The following NUBPL variants were observed in gnomAD, a reference collection of about 807,000 sequenced individuals.
NUBPL encodes the protein iron-sulfur cluster transfer protein NUBPL.
A neutral mutation model predicts 45.7 loss-of-function variants in NUBPL; 31 were observed. The observed-to-expected ratio is 0.68, with a 90% CI of 0.51 to 0.92. The LOEUF is 0.92. Ranked by LOEUF, NUBPL falls within the 40% of genes least tolerant of loss-of-function variation. NUBPL has a pLI of 0.00. For missense variants in NUBPL, 401 were observed against 398.7 expected (o/e 1.01, Z -0.05); for synonymous variants, 144 against 140.9 (o/e 1.02, Z -0.15).
Position 31,793,835 on chromosome 14 carries a change from T to TTA in NUBPL, c.607+5963_607+5964insAT, listed in dbSNP as rs1555338729. Among the ~76,000 whole-genome samples, 13 of 130,500 alleles carry TTA rather than the reference T, an allele frequency of 1.0e-4. 1 individual carries two copies. Among genetic ancestry groups the TTA allele is most frequent in the African/African-American group, 5.3e-4 (13 of 24,368 alleles). The allele number at this position is 130,500 out of a possible 152,430, so 85.6% of individuals were successfully genotyped here. On this transcript the variant is annotated intron_variant, in intron 7 of 10. Transcript: ENST00000281081. ...TTGTGCCCCCTTATCTTTCTTTTTT[T>TTA]TTTTTATTTTTTTTTTTATTTTTTC...
At chr14:31,762,039 GT>G (rs1262503032) in intron 6 of NUBPL, among the ~76,000 whole-genome samples, 6 of 152,182 alleles carry the variant, frequency 3.9e-5, no homozygotes, top group Non-Finnish European at 8.8e-5. Flanking sequence ...AGAAAGTTTA[GT>G]TAATCATTCT....
Position 31,673,466 on chromosome 14 carries a change from T to G in NUBPL, c.423-18T>G. On this transcript the variant is annotated intron_variant, in intron 5 of 10. Coordinates refer to ENST00000281081, the MANE Select transcript of NUBPL (RefSeq NM_025152.3). Reference sequence around the variant, plus strand: ...TTAATTTATACAAATTAGTTGTATTTTTATGTTACTGTTGCAGTATGTCTA... The same window carrying G: ...TTAATTTATACAAATTAGTTGTATTGTTATGTTACTGTTGCAGTATGTCTA... The G allele has an allele frequency of 6.2e-7, 1 of 1,611,526 alleles. No individual in the cohort carries two copies. The highest frequency in any genetic ancestry group is 8.5e-7 in the Non-Finnish European group (1 of 1,177,740).
At chr14:31,682,615 A>G (rs2036859581) in intron 6 of NUBPL, among the ~76,000 whole-genome samples, 1 of 152,142 alleles carries the variant, frequency 6.6e-6, no homozygotes, top group Non-Finnish European at 1.5e-5. Flanking sequence ...AATAAATGAA[A>G]TATTTCTTGA....
At chr14:31,692,672 G>T (rs1398192595) in intron 6 of NUBPL, among the ~76,000 whole-genome samples, 1 of 152,180 alleles carries the variant, frequency 6.6e-6, no homozygotes, top group Admixed American at 6.5e-5. Flanking sequence ...TCCCTTGATA[G>T]TTGTTATTAG....
chr14:31,679,518 G>T (rs1260409963), intron 6 of NUBPL, among the ~76,000 whole-genome samples: 2 of 152,072 alleles, frequency 1.3e-5, no homozygotes, highest in African/African-American at 2.4e-5. Context: ...TTGTTTGAAA[G>T]ACTTCCCTTT....
intron 4 of NUBPL, among the ~76,000 whole-genome samples, chr14:31,602,854 T>C (rs2034481586): frequency 6.6e-6 from 1 of 152,214 alleles, no homozygotes; most frequent in African/African-American, 2.4e-5. Flanking sequence ...TCAGATTTGT[T>C]TTAAAGTGTT....
chr14:31,829,707 G>A (rs1378144442), intron 8 of NUBPL, among the ~76,000 whole-genome samples: 1 of 152,112 alleles, frequency 6.6e-6, no homozygotes, highest in African/African-American at 2.4e-5. Context: ...AAACGATGAT[G>A]TCATTGGAAT....
chr14:31,594,762 T>A (rs925088163), intron 3 of NUBPL, among the ~76,000 whole-genome samples: 1 of 152,220 alleles, frequency 6.6e-6, no homozygotes, highest in Admixed American at 6.5e-5. Context: ...GAAATTCTTA[T>A]GATTGGCAGC....
intron 6 of NUBPL, among the ~76,000 whole-genome samples, chr14:31,683,415 A>G (rs2153559): frequency 1 from 145,362 of 145,674 alleles, 72,526 homozygotes; most frequent in Middle Eastern, 1. Flanking sequence ...CTGTAGCTCA[A>G]TGGCATAATC....
At chr14:31,633,875 T>C (rs768215775) in intron 4 of NUBPL, among the ~76,000 whole-genome samples, 2 of 152,148 alleles carry the variant, frequency 1.3e-5, no homozygotes, top group Non-Finnish European at 2.9e-5. Context: ...TCTTATATAA[T>C]GCAATTTTCG....
At chr14:31,761,136 G>T (rs954325676) in intron 6 of NUBPL, among the ~76,000 whole-genome samples, 5 of 152,090 alleles carry the variant, frequency 3.3e-5, no homozygotes, top group Non-Finnish European at 5.9e-5. Flanking sequence ...ACCATTAAAT[G>T]ATGTATATAG....
At chr14:31,624,634 G>A (rs761838124) in intron 4 of NUBPL, among the ~76,000 whole-genome samples, 4 of 152,058 alleles carry the variant, frequency 2.6e-5, no homozygotes, top group East Asian at 1.9e-4. Flanking sequence ...ATGTAATCTC[G>A]GCTCACTGCA....
At chr14:31,750,532 G>A (rs1176503807) in intron 6 of NUBPL, among the ~76,000 whole-genome samples, 1 of 151,898 alleles carries the variant, frequency 6.6e-6, no homozygotes, top group Admixed American at 6.6e-5. Flanking sequence ...CATGCATTTT[G>A]TAGATTTCCT....
intron 7 of NUBPL, among the ~76,000 whole-genome samples, chr14:31,815,515 A>G (rs1263524897): frequency 6.6e-6 from 1 of 152,170 alleles, no homozygotes; most frequent in Non-Finnish European, 1.5e-5. Flanking sequence ...TTCCTATTTG[A>G]ATACCCTTTC....
intron 7 of NUBPL, among the ~76,000 whole-genome samples, chr14:31,791,406 A>AG (rs1436600960): frequency 2.0e-5 from 3 of 152,202 alleles, no homozygotes; most frequent in Non-Finnish European, 4.4e-5. Context: ...AGAGAAGAAA[A>AG]GGATAAGTAA....
At chr14:31,721,122 A>G (rs1244341237) in intron 6 of NUBPL, among the ~76,000 whole-genome samples, 2 of 152,348 alleles carry the variant, frequency 1.3e-5, no homozygotes, top group African/African-American at 2.4e-5. Flanking sequence ...GAGGCTTTCA[A>G]TTCTAAAGTA....
chr14:31,848,299 G>A (rs568896511), intron 9 of NUBPL, among the ~76,000 whole-genome samples: 3 of 152,296 alleles, frequency 2.0e-5, no homozygotes, highest in African/African-American at 7.2e-5. Context: ...GTGGAGCAGG[G>A]CTTCAATTAT....
chr14:31,664,954 G>T (rs998274002), intron 4 of NUBPL, among the ~76,000 whole-genome samples: 3 of 152,060 alleles, frequency 2.0e-5, no homozygotes, highest in Non-Finnish European at 4.4e-5. Context: ...AGTCTTGGGA[G>T]GGTGTATGTG....
chr14:31,573,928 A>G (rs528687094), intron 3 of NUBPL, among the ~76,000 whole-genome samples: 16 of 152,284 alleles, frequency 1.1e-4, no homozygotes, highest in African/African-American at 3.9e-4. Flanking sequence ...CAGTAATGGA[A>G]CATAGTAGGT....
Sources: gnomAD v4.1 joint callset for allele counts (sites outside exome capture counted in the v4.1 genomes callset) on GRCh38, gnomAD v4.1.1 for gene constraint, MANE v1.5 for transcripts, NCBI Gene and HGNC (gene_info 2026-07-23, HGNC 2026-07-21) for gene names.